Variants in ARL6IP1 observed in about 807,000 individuals in gnomAD.
ARL6IP1 encodes the protein ADP-ribosylation factor-like protein 6-interacting protein 1.
A neutral mutation model predicts 30.1 loss-of-function variants in ARL6IP1; 16 were observed. The observed-to-expected ratio is 0.53, with a 90% CI of 0.36 to 0.81. The LOEUF (loss-of-function observed/expected upper bound fraction) is 0.81. ARL6IP1 is among the 30% of genes least tolerant of loss of function. The pLI, the probability that ARL6IP1 is intolerant of heterozygous loss-of-function variation, is 0.01. For missense variants in ARL6IP1, 173 were observed against 242.7 expected (o/e 0.71, Z 1.91); for synonymous variants, 72 against 84.8 (o/e 0.85, Z 0.83).
chr16:18,794,156 T>C (rs2030159293), intron 5 of ARL6IP1, among the ~76,000 whole-genome samples: 1 of 152,130 alleles, frequency 6.6e-6, no homozygotes, highest in Non-Finnish European at 1.5e-5. Context: ...TTCGCCATGT[T>C]GGCTAGGCTG....
At chr16:18,795,218 T>C (rs1371602423) in intron 4 of ARL6IP1, 1 of 358,942 alleles carries the variant, frequency 2.8e-6, no homozygotes, top group Non-Finnish European at 5.2e-6. Flanking sequence ...AGTATATGTC[T>C]TTTACTATTA....
intron 1 of ARL6IP1, 46 bp downstream of exon 1, chr16:18,801,385 C>T (rs1020154460): frequency 3.7e-6 from 6 of 1,608,410 alleles, no homozygotes; most frequent in Non-Finnish European, 5.1e-6. Flanking sequence ...CCACGGACGT[C>T]TGGAGGCCTC....
In ARL6IP1 at chr16:18,801,516, C is replaced by T. The variant is rs746698130; in HGVS notation, c.-50G>A. ...AGCGCAGGCCACCTCCCCAACGAGT[C>T]CTCCAACCGAAACCCGCACACCAAC... On this transcript the variant is annotated 5_prime_UTR_variant, in exon 1 of 6. Transcript: ENST00000304414. 1 of 1,600,266 alleles carries T rather than the reference C, an allele frequency of 6.2e-7. No homozygotes were observed. Among genetic ancestry groups the T allele is most frequent in the African/African-American group, 1.3e-5 (1 of 74,838 alleles).
chr16:18,795,642 C>T (rs1440085492), intron 3 of ARL6IP1, 61 bp from the exon 4 acceptor site: 3 of 1,070,550 alleles, frequency 2.8e-6, no homozygotes, highest in East Asian at 2.4e-5. Flanking sequence ...AAACATGACA[C>T]CCTGTTCAAT....
Position 18,801,531 on chromosome 16 carries a change from C to T in ARL6IP1, c.-65G>A, listed in dbSNP as rs1472253079. On this transcript the variant is annotated 5_prime_UTR_variant, in exon 1 of 6. Coordinates refer to ENST00000304414, the MANE Select transcript of ARL6IP1 (RefSeq NM_015161.3). Reference sequence around the variant, plus strand: ...CCCAACGAGTCCTCCAACCGAAACCCGCACACCAACCACAACCCGAGGGAA... The same window carrying T: ...CCCAACGAGTCCTCCAACCGAAACCTGCACACCAACCACAACCCGAGGGAA... The T allele has an allele frequency of 1.2e-5, 19 of 1,587,142 alleles. No homozygotes were observed. The highest frequency in any genetic ancestry group is 1.5e-5 in the Non-Finnish European group (17 of 1,167,736).
intron 5 of ARL6IP1, among the ~76,000 whole-genome samples, chr16:18,793,591 C>G (rs1008161509): frequency 2.0e-5 from 3 of 151,884 alleles, no homozygotes; most frequent in African/African-American, 7.3e-5. Context: ...GCCACTACGC[C>G]TGACTAATTT....
At chr16:18,794,305 A>G (rs1043119868) in intron 5 of ARL6IP1, among the ~76,000 whole-genome samples, 2 of 152,188 alleles carry the variant, frequency 1.3e-5, no homozygotes, top group African/African-American at 2.4e-5. Context: ...CAGTAATGGG[A>G]GGAAGCAACA....
At chr16:18,797,381 C>CAA (rs58429351) in intron 3 of ARL6IP1, among the ~76,000 whole-genome samples, 16 of 82,668 alleles carry the variant, frequency 1.9e-4, no homozygotes, top group South Asian at 4.2e-4. Flanking sequence ...GCCTCCATCT[C>CAA]AAAAAAAAAA....
At chr16:18,797,348 C>T (rs2030268228) in intron 3 of ARL6IP1, among the ~76,000 whole-genome samples, 1 of 149,148 alleles carries the variant, frequency 6.7e-6, no homozygotes, top group Non-Finnish European at 1.5e-5. Context: ...GCGTACTGCA[C>T]TCCAGCCTGG....
rs551257204 is a variant in ARL6IP1 at position 18,792,318 on chromosome 16, T to C, written c.*934A>G. ...TACCATAAAATGATAATTTTGAGGT[T>C]TACCTTAAAAGGCTTATTCTGGTCT... On this transcript the variant is annotated 3_prime_UTR_variant, in exon 6 of 6. Coordinates refer to ENST00000304414, the MANE Select transcript of ARL6IP1 (RefSeq NM_015161.3). 20 of 152,288 alleles carry C rather than the reference T, an allele frequency of 1.3e-4. No individual in the cohort carries two copies. The highest frequency in any genetic ancestry group is 8.5e-4 in the Admixed American group (13 of 15,294). 9.4% of individuals were successfully genotyped at this position (152,288 alleles called of 1,614,324 possible). A position where few individuals can be genotyped will look rare whatever the true frequency, so the allele number is the denominator to read the frequency against.
At chr16:18,797,846 T>C (rs2030287515) in intron 3 of ARL6IP1, 79 bp downstream of exon 3, 2 of 1,510,514 alleles carry the variant, frequency 1.3e-6, no homozygotes, top group African/African-American at 2.8e-5. Flanking sequence ...TATCTCTGCT[T>C]ATTTACAGCA....
chr16:18,801,224 C>T, intron 1 of ARL6IP1: 1 of 1,419,596 alleles, frequency 7.0e-7, no homozygotes, highest in Non-Finnish European at 9.2e-7. Flanking sequence ...ACGCGCCCTC[C>T]TCGCCCCGTC....
At position 18,794,429 on chromosome 16, in the gene ARL6IP1, C is replaced by G. The variant is rs190069603; in HGVS notation, c.493+170G>C. 1.5e-3 allele frequency among the ~76,000 whole-genome samples: 222 copies of G among 152,306 alleles called. 1 individual carries two copies. The highest frequency in any genetic ancestry group is 5.9e-3 in the Admixed American group (90 of 15,300). On this transcript the variant is annotated intron_variant, in intron 5 of 5. Coordinates refer to ENST00000304414, the MANE Select transcript of ARL6IP1 (RefSeq NM_015161.3). ...TTACCTCTTGCACATTACTTTCTAC[C>G]TTGGTTATTGCATTGTTTTCACTTT...
At position 18,801,494 on chromosome 16, in the gene ARL6IP1, G is replaced by A. The variant is rs2030411495; in HGVS notation, c.-28C>T. The A allele has an allele frequency of 1.2e-6, 2 of 1,609,668 alleles. No individual in the cohort carries two copies. Among genetic ancestry groups the A allele is most frequent in the Middle Eastern group, 1.7e-4 (1 of 6,054 alleles). On this transcript the variant is annotated 5_prime_UTR_variant, in exon 1 of 6. Transcript: ENST00000304414. ...TCTCGGGGATGCAGTCTCTACAAGC[G>A]CAGGCCACCTCCCCAACGAGTCCTC...
chr16:18,793,334 T>G lies in ARL6IP1; in HGVS notation c.530A>C (p.His177Pro). 6.2e-7 allele frequency: 1 copy of G among 1,613,292 alleles called. No individual in the cohort carries two copies. The highest frequency in any genetic ancestry group is 1.1e-5 in the South Asian group (1 of 90,934). ...TCCAATGTACTTCAAAATGATTCCATGTTGGTTTAGTCCAGGAAGCAATAG... is the reference window on the plus strand; with the variant it reads ...TCCAATGTACTTCAAAATGATTCCAGGTTGGTTTAGTCCAGGAAGCAATAG... ...SLLLLPGLNQHGIILKYIGMA... is the reference protein window; with the variant it reads ...SLLLLPGLNQPGIILKYIGMA... The change falls in exon 6 of 6, where the codon CAT becomes CCT. Residue 177 changes from histidine to proline, a missense_variant. His to Pro is a moderately conservative substitution (Grantham distance 77). Coordinates refer to ENST00000304414, the MANE Select transcript of ARL6IP1 (RefSeq NM_015161.3).
chr16:18,796,665 A>T (rs2030240260), intron 3 of ARL6IP1, among the ~76,000 whole-genome samples: 1 of 152,238 alleles, frequency 6.6e-6, no homozygotes, highest in Non-Finnish European at 1.5e-5. Context: ...AACTTGCCCA[A>T]AAGAGCCAAC....
chr16:18,793,175 A>T lies in ARL6IP1; in HGVS notation c.*77T>A. 1 of 888,560 alleles carries T rather than the reference A, an allele frequency of 1.1e-6. No homozygotes were observed. Among genetic ancestry groups the T allele is most frequent in the Non-Finnish European group, 1.8e-6 (1 of 565,838 alleles). 55.0% of individuals were successfully genotyped at this position (888,560 alleles called of 1,614,324 possible). A position where few individuals can be genotyped will look rare whatever the true frequency, so the allele number is the denominator to read the frequency against. On this transcript the variant is annotated 3_prime_UTR_variant, in exon 6 of 6. Transcript: ENST00000304414. ...CAAAGAGCTACTTCCGTAACATTTT[A>T]GTATCCAGATAGTACAGCAGAAACG...
In ARL6IP1 at chr16:18,798,730, G is replaced by A. The variant is rs746086886; in HGVS notation, c.141C>T (p.Ala47=). The change falls in exon 2 of 6, where the codon GCC becomes GCT. Residue 47 remains alanine (A), a synonymous_variant. Transcript: ENST00000304414. ...LRWERAWFPP[A]IMGVVSLVFL... ...ACACCAAAGAAACCACACCCATGAT[G>A]GCAGGTGGAAACCAGGCTCTTTCCC... The A allele has an allele frequency of 6.2e-7, 1 of 1,614,106 alleles. No individual in the cohort carries two copies. Among genetic ancestry groups the A allele is most frequent in the East Asian group, 2.2e-5 (1 of 44,876 alleles).
intron 3 of ARL6IP1, among the ~76,000 whole-genome samples, chr16:18,797,398 AAG>A (rs933100428): frequency 1.3e-4 from 20 of 151,706 alleles, no homozygotes; most frequent in Non-Finnish European, 2.8e-4. Flanking sequence ...AAAAAAAAAA[AAG>A]AGAATGGTAT....
Sources: allele counts gnomAD v4.1 joint callset (sites outside exome capture counted in the v4.1 genomes callset), GRCh38; gene constraint gnomAD v4.1.1; transcripts MANE v1.5; gene names NCBI Gene and HGNC (gene_info 2026-07-23, HGNC 2026-07-21).